ATRX: variants seen among roughly 807,000 people sequenced by gnomAD.
ATRX encodes chromatin remodeler ATRX.
Under a neutral mutation model 172.6 loss-of-function variants are expected in ATRX, and 12 were observed. That is an observed-to-expected ratio of 0.07 (90% CI 0.04 to 0.11). The LOEUF is 0.11. ATRX is among the 10% of genes least tolerant of loss of function. The probability of loss-of-function intolerance (pLI) is 1.00; values close to 1 mark genes in which losing one functional copy is unlikely to be tolerated. For synonymous variants in ATRX, 674 were observed against 594.7 expected, an observed-to-expected ratio of 1.13 and a Z score of -1.94; for missense variants, 1,368 against 1,767.4, an observed-to-expected ratio of 0.77 and a Z score of 4.05.
At position 77,532,442 on chromosome X, in the gene ATRX, A is replaced by G. The variant is rs1364769139; in HGVS notation, c.6700-9041T>C. 2.5e-4 allele frequency among the ~76,000 whole-genome samples: 28 copies of G among 111,537 alleles called. No individual in the cohort carries two copies. The Admixed American group carries it at 2.7e-3, about 11-fold the overall frequency. ...ATGGTACTGGTACAAAAACAGACAC[A>G]TCGACCAATGGAATGGAATAGAATA... On this transcript the variant is annotated intron_variant, in intron 30 of 34. Coordinates refer to ENST00000373344, the MANE Select transcript of ATRX (RefSeq NM_000489.6).
intron 15 of ATRX, among the ~76,000 whole-genome samples, chrX:77,650,349 C>A (rs1293552477): frequency 2.7e-5 from 3 of 111,556 alleles, no homozygotes; most frequent in Admixed American, 9.5e-5. Flanking sequence ...GATCTTATTA[C>A]CAATTTATAC....
Position 77,684,290 on chromosome X carries a change from T to C in ATRX, c.966A>G (p.Ser322=). The C allele has an allele frequency of 8.3e-7, 1 of 1,209,459 alleles. No individual in the cohort carries two copies. Among genetic ancestry groups the C allele is most frequent in the Non-Finnish European group, 1.1e-6 (1 of 893,277 alleles). The change falls in exon 9 of 35, where the codon TCA becomes TCG. Residue 322 remains serine (S), a synonymous_variant. Transcript: ENST00000373344. ...TSRFSPKKTS[S]NCNGEEKKLD... ...ATTTCTTTTCTTCTCCATTACAATT[T>C]GAACTAGTCTTCTTTGGAGAAAATC...
intron 1 of ATRX, among the ~76,000 whole-genome samples, chrX:77,771,186 G>C (rs1204182268): frequency 1.8e-5 from 2 of 110,559 alleles, no homozygotes; most frequent in African/African-American, 6.6e-5. Context: ...AGACTAGTCT[G>C]GCCAACATGG....
chrX:77,708,989 T>A (rs2072978303), intron 2 of ATRX, among the ~76,000 whole-genome samples: 1 of 112,513 alleles, frequency 8.9e-6, no homozygotes, highest in Non-Finnish European at 1.9e-5. Context: ...GGAAGATCGC[T>A]TGAGGCCAGG....
intron 28 of ATRX, among the ~76,000 whole-genome samples, chrX:77,561,409 TA>T (rs2147964342): frequency 9.0e-6 from 1 of 111,092 alleles, no homozygotes; most frequent in South Asian, 3.8e-4. Flanking sequence ...ATACCTTTTT[TA>T]GATATTCTTA....
At chrX:77,622,015 G>A (rs1557100384) in intron 19 of ATRX, among the ~76,000 whole-genome samples, 1 of 111,715 alleles carries the variant, frequency 9.0e-6, no homozygotes, top group African/African-American at 3.3e-5. Context: ...CTTAATATTC[G>A]GTATCCATGA....
intron 30 of ATRX, among the ~76,000 whole-genome samples, chrX:77,539,045 C>A (rs1307909258): frequency 3.6e-5 from 4 of 109,655 alleles, no homozygotes; most frequent in African/African-American, 1.3e-4. Flanking sequence ...CAGGTGAGCA[C>A]CACCAAGCCC....
intron 28 of ATRX, among the ~76,000 whole-genome samples, chrX:77,571,836 T>C (rs1557067634): frequency 9.0e-6 from 1 of 111,203 alleles, no homozygotes; most frequent in Non-Finnish European, 1.9e-5. Flanking sequence ...CCAAAAATAG[T>C]ATCAAGCTAA....
At chrX:77,668,502 G>A (rs1050531446) in intron 10 of ATRX, among the ~76,000 whole-genome samples, 1 of 111,522 alleles carries the variant, frequency 9.0e-6, no homozygotes, top group Non-Finnish European at 1.9e-5. Flanking sequence ...AAGCAGTCAC[G>A]ACTCTATCAG....
intron 28 of ATRX, among the ~76,000 whole-genome samples, chrX:77,568,127 A>G (rs2065267745): frequency 9.0e-6 from 1 of 110,501 alleles, no homozygotes; most frequent in Non-Finnish European, 1.9e-5. Context: ...ACAAGAGCAA[A>G]ACAAACCAAA....
intron 1 of ATRX, among the ~76,000 whole-genome samples, chrX:77,731,555 G>A (rs782348310): frequency 5.4e-5 from 6 of 111,500 alleles, no homozygotes; most frequent in South Asian, 3.7e-4. Context: ...GCTCTCTCCC[G>A]ATTGGTTCTG....
chrX:77,622,525 C>T (rs2067637133), intron 19 of ATRX, among the ~76,000 whole-genome samples: 1 of 111,290 alleles, frequency 9.0e-6, no homozygotes, highest in African/African-American at 3.3e-5. Flanking sequence ...CACAGGGATC[C>T]ATCAGGAGGA....
chrX:77,696,779 A>G, intron 4 of ATRX, 75 bp from the exon 5 acceptor site: 1 of 1,061,535 alleles, frequency 9.4e-7, no homozygotes, highest in South Asian at 2.0e-5. Flanking sequence ...CATAAATAAC[A>G]TGTTGAGATT....
chrX:77,718,396 C>T (rs1386361158), intron 1 of ATRX, among the ~76,000 whole-genome samples: 3 of 94,304 alleles, frequency 3.2e-5, no homozygotes, highest in Non-Finnish European at 6.2e-5. Context: ...TTTTAAAAGA[C>T]GGAGTCTTGC....
intron 1 of ATRX, among the ~76,000 whole-genome samples, chrX:77,766,221 G>A (rs1950772654): frequency 8.8e-6 from 1 of 113,051 alleles, no homozygotes; most frequent in Admixed American, 9.3e-5. Flanking sequence ...TCCCAGACGG[G>A]GTGGTGGCCG....
intron 7 of ATRX, among the ~76,000 whole-genome samples, chrX:77,687,999 G>A (rs782723584): frequency 1.2e-4 from 13 of 111,630 alleles, no homozygotes; most frequent in African/African-American, 2.0e-4. Context: ...GTACAATGGC[G>A]CGATCTCGAC....
intron 27 of ATRX, among the ~76,000 whole-genome samples, chrX:77,583,525 A>AAAAAAAC (rs1217504509): frequency 2.7e-5 from 3 of 111,407 alleles, no homozygotes; most frequent in African/African-American, 9.8e-5. Context: ...CCGTCTCAAA[A>AAAAAAAC]AAAAAACAAA....
rs1557033372 is a variant in ATRX at position 77,506,892 on chromosome X, GTTTTC to G, written c.*1454_*1458del. On this transcript the variant is annotated 3_prime_UTR_variant, in exon 35 of 35. Coordinates refer to ENST00000373344, the MANE Select transcript of ATRX (RefSeq NM_000489.6). The stretch of plus-strand genomic sequence containing the variant: ...ATACCTAAAGCAAAGCCCAAACCCA[GTTTTC>G]TTTTTTTTTTTTTTTTTTTTTTTTT... The G allele has an allele frequency of 8.2e-5, 5 of 61,237 alleles. No individual in the cohort carries two copies. The highest frequency in any genetic ancestry group is 3.8e-4 in the African/African-American group (5 of 13,054). The allele number at this position is 61,237 out of a possible 1,213,427, so 5.0% of individuals were successfully genotyped here.
intron 34 of ATRX, among the ~76,000 whole-genome samples, chrX:77,515,186 T>C: frequency 9.0e-6 from 1 of 111,648 alleles, no homozygotes; most frequent in African/African-American, 3.3e-5. Flanking sequence ...TGGAAAGCAG[T>C]GTGGTAGTTC....
Sources: allele counts gnomAD v4.1 joint callset (sites outside exome capture counted in the v4.1 genomes callset), GRCh38; gene constraint gnomAD v4.1.1; transcripts MANE v1.5; gene names NCBI Gene and HGNC (gene_info 2026-07-23, HGNC 2026-07-21).